Variants in OTUD7A observed in about 807,000 individuals in gnomAD.
OTUD7A encodes the protein OTU deubiquitinase 7A, also known as OTU domain-containing protein 7A.
A neutral mutation model predicts 65.7 loss-of-function variants in OTUD7A; 12 were observed. The ratio of observed to expected loss-of-function variants is 0.18; its 90% CI spans 0.12 to 0.30. OTUD7A has a LOEUF of 0.30. Ranked by LOEUF, OTUD7A falls within the 10% of genes least tolerant of loss-of-function variation. The pLI, the probability that OTUD7A is intolerant of heterozygous loss-of-function variation, is 1.00. For missense variants in OTUD7A, 1,148 were observed against 1,304.8 expected (o/e 0.88, Z 1.85); for synonymous variants, 641 against 586.3 (o/e 1.09, Z -1.35).
At position 31,487,551 on chromosome 15, in the gene OTUD7A, G is replaced by T. The variant is rs540936484; in HGVS notation, c.1187C>A (p.Thr396Lys). 6.2e-7 allele frequency: 1 copy of T among 1,613,706 alleles called. No individual in the cohort carries two copies. The highest frequency in any genetic ancestry group is 2.2e-5 in the East Asian group (1 of 44,868). Residue 396 changes from threonine (T) to lysine (K), a missense_variant, in exon 11 of 13, where the codon ACG (threonine) becomes AAG (lysine). Thr to Lys is a moderately conservative substitution (Grantham distance 78). This residue lies in a region of OTUD7A where 58 missense variants were observed against 131.4 expected (regional missense o/e 0.44). Coordinates refer to ENST00000307050, the MANE Select transcript of OTUD7A (RefSeq NM_001382637.1). This position sits in a 1 kb window ranked among gnomAD's most constrained non-coding sequence, Gnocchi z 6.0. ...QQREQAVIPL[T>K]DSEHKLLPLH... ...AGGCAGCAGCTTGTGCTCAGAATCC[G>T]TCAGGGGGATCACGGCTGGAACAGA...
chr15:31,851,406 T>C (rs1242100262), intron 1 of OTUD7A, among the ~76,000 whole-genome samples: 1 of 152,218 alleles, frequency 6.6e-6, no homozygotes, highest in African/African-American at 2.4e-5. Flanking sequence ...AGTTAGTGGC[T>C]AGTAATGTCA....
chr15:31,746,591 G>A (rs918900999), intron 1 of OTUD7A, among the ~76,000 whole-genome samples: 1 of 150,694 alleles, frequency 6.6e-6, no homozygotes, highest in African/African-American at 2.4e-5. Flanking sequence ...CCACCTCCCA[G>A]GTTCAAGTGA....
At chr15:31,507,019 G>A (rs1239737448) in intron 8 of OTUD7A, among the ~76,000 whole-genome samples, 1 of 152,180 alleles carries the variant, frequency 6.6e-6, no homozygotes, top group Non-Finnish European at 1.5e-5. Context: ...GAATATTTTA[G>A]CTAGGCATTT....
intron 6 of OTUD7A, among the ~76,000 whole-genome samples, chr15:31,528,312 C>A (rs938199243): frequency 9.2e-5 from 14 of 152,130 alleles, no homozygotes; most frequent in Non-Finnish European, 1.8e-4. Context: ...TGTCCCAGCA[C>A]AGGGAAAGGC....
chr15:31,737,981 T>A lies in OTUD7A; in HGVS notation c.-99-80904A>T, dbSNP rs181348878. 1.4e-4 allele frequency among the ~76,000 whole-genome samples: 22 copies of A among 152,346 alleles called. No homozygotes were observed. The East Asian group carries it at 4.2e-3, about 29-fold the overall frequency. ...TGTAGCTGGTAGTTTGTACATAGTA[T>A]CTGTTAGCTCAAGGAAGTATAAATT... is the stretch of plus-strand genomic sequence containing the variant. On this transcript the variant is annotated intron_variant, in intron 1 of 12. Coordinates refer to ENST00000307050, the MANE Select transcript of OTUD7A (RefSeq NM_001382637.1).
rs1895444517 is a variant in OTUD7A at position 31,778,343 on chromosome 15, C to A, written c.-100+92164G>T. Among the ~76,000 whole-genome samples the A allele has an allele frequency of 1.3e-5, 2 of 152,108 alleles. 1 individual carries two copies. The highest frequency in any genetic ancestry group is 4.1e-4 in the South Asian group (2 of 4,826). The stretch of plus-strand genomic sequence containing the variant: ...GTGAGGAGAAATATACCATGGGGTG[C>A]AGCTGGGGGATTCCATCTGGATCCC... On this transcript the variant is annotated intron_variant, in intron 1 of 12. Coordinates refer to ENST00000307050, the MANE Select transcript of OTUD7A (RefSeq NM_001382637.1).
At chr15:31,815,966 A>T (rs1896538604) in intron 1 of OTUD7A, among the ~76,000 whole-genome samples, 1 of 152,178 alleles carries the variant, frequency 6.6e-6, no homozygotes. Context: ...ACCATTCGCC[A>T]TGCTCCTCCC....
rs375974914 is a variant in OTUD7A, at chr15:31,823,077, A to T, written c.-100+47430T>A. 1.4e-4 allele frequency among the ~76,000 whole-genome samples: 21 copies of T among 152,340 alleles called. No individual in the cohort carries two copies. The South Asian group carries it at 4.3e-3, about 32-fold the overall frequency. On this transcript the variant is annotated intron_variant, in intron 1 of 12. Coordinates refer to ENST00000307050, the MANE Select transcript of OTUD7A (RefSeq NM_001382637.1). ...CCAGCTACATGCTGAAAACTTTGTC[A>T]GCCTCTCTGCAGCCTGTGTTTCAAA...
intron 1 of OTUD7A, among the ~76,000 whole-genome samples, chr15:31,668,276 C>T (rs1892374300): frequency 6.6e-6 from 1 of 152,190 alleles, no homozygotes. Context: ...TCCTCAGGAA[C>T]ACTGATTATT....
intron 5 of OTUD7A, among the ~76,000 whole-genome samples, chr15:31,542,849 C>T (rs1345980128): frequency 1.3e-5 from 2 of 151,170 alleles, no homozygotes; most frequent in Non-Finnish European, 3.0e-5. Flanking sequence ...CTTCAATGTG[C>T]TGAATGAAAA....
chr15:31,614,380 A>G (rs987933158), intron 3 of OTUD7A, among the ~76,000 whole-genome samples: 7 of 152,210 alleles, frequency 4.6e-5, no homozygotes, highest in Admixed American at 4.6e-4. Flanking sequence ...AAGTGGTATG[A>G]ACCCCAAGGA....
chr15:31,677,899 A>G (rs1892628384), intron 1 of OTUD7A, among the ~76,000 whole-genome samples: 1 of 152,236 alleles, frequency 6.6e-6, no homozygotes, highest in Admixed American at 6.5e-5. Flanking sequence ...AGGGCTCAGA[A>G]GACAGGAAGA....
intron 1 of OTUD7A, among the ~76,000 whole-genome samples, chr15:31,863,397 C>G (rs573121738): frequency 6.6e-6 from 1 of 152,312 alleles, no homozygotes; most frequent in East Asian, 1.9e-4. Flanking sequence ...GAGGGCCCCA[C>G]CCCTGCAGCA....
chr15:31,616,142 AGCACTCCATCCCTTT>A (rs796728091), intron 3 of OTUD7A, among the ~76,000 whole-genome samples: 8 of 152,368 alleles, frequency 5.3e-5, no homozygotes, highest in African/African-American at 1.9e-4. Flanking sequence ...CAACTCATGC[AGCACTCCATCCCTTT>A]TGTTTCAGTG....
intron 3 of OTUD7A, among the ~76,000 whole-genome samples, chr15:31,574,317 A>G (rs1889141870): frequency 6.6e-6 from 1 of 152,232 alleles, no homozygotes; most frequent in Non-Finnish European, 1.5e-5. Flanking sequence ...AAACTATGAC[A>G]GAACTAAAAC....
intron 1 of OTUD7A, chr15:31,767,120 T>C: frequency 6.5e-7 from 1 of 1,549,100 alleles, no homozygotes; most frequent in Non-Finnish European, 8.8e-7. Context: ...TCTTCTTTAT[T>C]TTTTTTTCTC....
chr15:31,827,882 C>G (rs1896836667), intron 1 of OTUD7A, among the ~76,000 whole-genome samples: 1 of 151,926 alleles, frequency 6.6e-6, no homozygotes, highest in Admixed American at 6.6e-5. Flanking sequence ...TTGCAGTGAG[C>G]CGAGGTCACA....
intron 8 of OTUD7A, among the ~76,000 whole-genome samples, chr15:31,511,876 T>C (rs919040088): frequency 1.3e-5 from 2 of 151,864 alleles, no homozygotes; most frequent in African/African-American, 4.8e-5. Flanking sequence ...AATGGGGATT[T>C]TTTACCTTGA....
chr15:31,569,985 C>T (rs377117692), intron 4 of OTUD7A, 33 bp downstream of exon 4: 44 of 1,608,818 alleles, frequency 2.7e-5, no homozygotes, highest in South Asian at 3.3e-5. Flanking sequence ...CTGGCCTGGG[C>T]GGCTGTGCCT....
Sources: gnomAD v4.1 joint callset for allele counts (sites outside exome capture counted in the v4.1 genomes callset) on GRCh38, gnomAD v4.1.1 for gene constraint, gnomAD v4.1.1 regional missense constraint, Gnocchi (gnomAD v3.1) non-coding constraint, MANE v1.5 for transcripts, NCBI Gene and HGNC (gene_info 2026-07-23, HGNC 2026-07-21) for gene names.